SLC36A1: variants seen among roughly 807,000 people sequenced by gnomAD.
SLC36A1 encodes solute carrier family 36 member 1, also known as proton-coupled amino acid transporter 1.
SLC36A1 carries 30 observed loss-of-function variants against 47.5 expected under a neutral mutation model. The ratio of observed to expected loss-of-function variants is 0.63; its 90% CI spans 0.47 to 0.86. The LOEUF (loss-of-function observed/expected upper bound fraction) is 0.86, where lower values mean the gene tolerates loss of function less well. Ranked by LOEUF, SLC36A1 falls within the 40% of genes least tolerant of loss-of-function variation. The pLI is 0.00. For missense variants in SLC36A1, 517 were observed against 606.0 expected (o/e 0.85, Z 1.54); for synonymous variants, 255 against 249.7 (o/e 1.02, Z -0.20).
chr5:151,522,021 C>G, the SLC36A1 span: 3 of 1,613,738 alleles, frequency 1.9e-6, no homozygotes, highest in Non-Finnish European at 2.5e-6. Flanking sequence ...CATAGTGGCT[C>G]TGCTCTGTGA....
the SLC36A1 span, chr5:151,510,703 G>C: frequency 6.6e-6 from 1 of 152,286 alleles, no homozygotes; most frequent in African/African-American, 2.4e-5. Flanking sequence ...GAAATGCTGG[G>C]AGGGGTGGGG....
the SLC36A1 span, among the ~76,000 whole-genome samples, chr5:151,386,548 G>T: frequency 6.6e-6 from 1 of 151,874 alleles, no homozygotes; most frequent in Non-Finnish European, 1.5e-5. Context: ...CATTCTTGGT[G>T]TAGAACCCAT....
the SLC36A1 span, among the ~76,000 whole-genome samples, chr5:151,407,006 T>A: frequency 6.6e-6 from 1 of 152,106 alleles, no homozygotes; most frequent in South Asian, 2.1e-4. Flanking sequence ...TTGCAGTGAG[T>A]GTTACAGCTC....
chr5:151,527,473 G>A, the SLC36A1 span: 1 of 1,301,426 alleles, frequency 7.7e-7, no homozygotes. Context: ...AAAATAAGAA[G>A]GAGACACTTT....
the SLC36A1 span, chr5:151,507,136 G>C: frequency 6.5e-6 from 10 of 1,538,612 alleles, no homozygotes; most frequent in Non-Finnish European, 8.8e-6. Flanking sequence ...GAGGCTAAGC[G>C]TCTCTGGCTA....
chr5:151,550,750 A>G, the SLC36A1 span: 222 of 1,614,070 alleles, frequency 1.4e-4, 4 homozygotes, highest in South Asian at 2.3e-3. Flanking sequence ...GTCTTGATCT[A>G]TGGCCTGGAC....
At chr5:151,449,380 T>C (rs917992936) in intron 1 of SLC36A1, among the ~76,000 whole-genome samples, 11 of 152,230 alleles carry the variant, frequency 7.2e-5, no homozygotes, top group Admixed American at 1.3e-4. Context: ...TGAAGTCAAG[T>C]GGAAAGGGAC....
intron 10 of SLC36A1, 49 bp downstream of exon 10, chr5:151,479,538 C>T (rs1360296822): frequency 6.3e-7 from 1 of 1,587,884 alleles, no homozygotes. Context: ...TAAAGGGCAC[C>T]CAGTCTGCAG....
At position 151,489,084 on chromosome 5, in the gene SLC36A1, G is replaced by A. The variant is rs1191537713; in HGVS notation, c.*830G>A. On this transcript the variant is annotated 3_prime_UTR_variant, in exon 11 of 11. Coordinates refer to ENST00000243389, the MANE Select transcript of SLC36A1 (RefSeq NM_078483.4). This position sits in a 1 kb window ranked among gnomAD's most constrained non-coding sequence, Gnocchi z 4.5. The stretch of plus-strand genomic sequence containing the variant: ...AAGCTCGCTCCAGATGTCTGCATGG[G>A]TCCTCGGCACTCTTGGCTGAGGACT... 4 of 152,094 alleles carry A rather than the reference G, an allele frequency of 2.6e-5. No homozygotes were observed. The highest frequency in any genetic ancestry group is 4.4e-5 in the Non-Finnish European group (3 of 68,032). 9.4% of individuals were successfully genotyped at this position (152,094 alleles called of 1,614,324 possible).
intron 3 of SLC36A1, among the ~76,000 whole-genome samples, chr5:151,463,892 A>T (rs1259903350): frequency 1.3e-5 from 2 of 152,236 alleles, no homozygotes; most frequent in Non-Finnish European, 2.9e-5. Context: ...CATGGAGCTT[A>T]CTTCATGGTG....
chr5:151,496,674 G>T (rs1314647410), downstream of SLC36A1, among the ~76,000 whole-genome samples: 2 of 152,178 alleles, frequency 1.3e-5, no homozygotes. Flanking sequence ...TCCTGTCTCA[G>T]CCTCTCGAGT....
chr5:151,546,880 A>G, the SLC36A1 span, among the ~76,000 whole-genome samples: 1 of 152,000 alleles, frequency 6.6e-6, no homozygotes, highest in Non-Finnish European at 1.5e-5. Flanking sequence ...GCCTGGCTAC[A>G]TTTTTAATAT....
At chr5:151,510,858 G>A in the SLC36A1 span, 1 of 152,274 alleles carries the variant, frequency 6.6e-6, no homozygotes, top group East Asian at 1.9e-4. Context: ...GGCTAGGGAA[G>A]GGTGTGGCAT....
chr5:151,457,178 T>G (rs537712510), intron 1 of SLC36A1, among the ~76,000 whole-genome samples: 2 of 152,290 alleles, frequency 1.3e-5, no homozygotes, highest in African/African-American at 4.8e-5. Flanking sequence ...ACTGGGACTC[T>G]GTAGAGTGGT....
chr5:151,354,958 G>A, the SLC36A1 span, among the ~76,000 whole-genome samples: 6 of 152,118 alleles, frequency 3.9e-5, no homozygotes, highest in Non-Finnish European at 7.3e-5. Context: ...TCACCATAGC[G>A]GGGAAATACA....
the SLC36A1 span, among the ~76,000 whole-genome samples, chr5:151,431,920 T>C: frequency 6.6e-6 from 1 of 152,330 alleles, no homozygotes; most frequent in East Asian, 1.9e-4. Flanking sequence ...TGGGCCTTAA[T>C]AAGTTCAGGA....
chr5:151,487,769 G>A (rs771939049), intron 10 of SLC36A1, among the ~76,000 whole-genome samples: 3 of 152,178 alleles, frequency 2.0e-5, no homozygotes, highest in African/African-American at 2.4e-5. Context: ...GAAGATCCGG[G>A]TTCCGGTCCC....
Position 151,458,831 on chromosome 5 carries a change from C to G in SLC36A1, c.39C>G (p.Asp13Glu). ...TQRLRNEDYH[D>E]YSSTDVSPEE... is the part of the protein sequence containing the mutation. Reference sequence around the variant, plus strand: ...GACTTCGGAATGAAGACTACCACGACTACAGCTCCACGGACGTGAGCCCTG... The same window carrying G: ...GACTTCGGAATGAAGACTACCACGAGTACAGCTCCACGGACGTGAGCCCTG... Residue 13 changes from aspartate (D) to glutamate (E), a missense_variant, in exon 2 of 11, where the codon GAC becomes GAG. Asp to Glu is a conservative substitution (Grantham distance 45). Transcript: ENST00000243389. The G allele has an allele frequency of 6.2e-7, 1 of 1,614,138 alleles. No individual in the cohort carries two copies. The highest frequency in any genetic ancestry group is 1.3e-5 in the African/African-American group (1 of 75,052).
the SLC36A1 span, among the ~76,000 whole-genome samples, chr5:151,376,594 A>G: frequency 2.0e-5 from 3 of 151,998 alleles, no homozygotes; most frequent in Non-Finnish European, 2.9e-5. Flanking sequence ...CTTTTTTTAT[A>G]TATCTCAGAA....
Sources: allele counts gnomAD v4.1 joint callset (sites outside exome capture counted in the v4.1 genomes callset), GRCh38; gene constraint gnomAD v4.1.1; non-coding constraint Gnocchi (gnomAD v3.1); transcripts MANE v1.5; gene names NCBI Gene and HGNC (gene_info 2026-07-23, HGNC 2026-07-21).